The following CCDC18 variants were observed in gnomAD, a reference collection of about 807,000 sequenced individuals.
CCDC18 encodes coiled-coil domain containing 18.
CCDC18 carries 157 observed loss-of-function variants against 196.0 expected under a neutral mutation model. The observed-to-expected ratio is 0.80, with a 90% CI of 0.70 to 0.91. The LOEUF is 0.91. Ranked by LOEUF, CCDC18 falls within the 40% of genes least tolerant of loss-of-function variation. The probability of loss-of-function intolerance (pLI) is 0.00; values close to 1 mark genes in which losing one functional copy is unlikely to be tolerated. For synonymous variants in CCDC18, 482 were observed against 529.2 expected, an observed-to-expected ratio of 0.91 and a Z score of 1.22; for missense variants, 1,465 against 1,611.6, an observed-to-expected ratio of 0.91 and a Z score of 1.56.
chr1:93,244,911 C>T lies in CCDC18; in HGVS notation c.2982-1194C>T, dbSNP rs539137215. Among the ~76,000 whole-genome samples, 182 of 149,688 alleles carry T rather than the reference C, an allele frequency of 1.2e-3. 1 individual carries two copies. Among genetic ancestry groups the T allele is most frequent in the Non-Finnish European group, 2.0e-3 (132 of 67,198 alleles). ...ATAACAGTTACATGGTCAGCTTCTT[C>T]TTGTCCTTCACATTACTTCAGAGAG... On this transcript the variant is annotated intron_variant, in intron 21 of 28. Transcript: ENST00000690025.
At position 93,249,245 on chromosome 1, in the gene CCDC18, T is replaced by C. The variant is rs1166804110; in HGVS notation, c.3198+2291T>C. ...CATTTCTTCTAGTTTTTCCAATTTG[T>C]TGGTATGTAGTTGTTCATAACAGTC... On this transcript the variant is annotated intron_variant, in intron 23 of 28. Coordinates refer to ENST00000690025, the MANE Select transcript of CCDC18 (RefSeq NM_001378204.1). Among the ~76,000 whole-genome samples, 7 of 152,320 alleles carry C rather than the reference T, an allele frequency of 4.6e-5. No homozygotes were observed. The East Asian group carries it at 1.2e-3, about 25-fold the overall frequency.
intron 23 of CCDC18, among the ~76,000 whole-genome samples, chr1:93,250,700 T>C (rs1412622445): frequency 6.6e-6 from 1 of 152,168 alleles, no homozygotes; most frequent in East Asian, 1.9e-4. Flanking sequence ...GCGTGACACA[T>C]TTATCATTAA....
intron 4 of CCDC18, among the ~76,000 whole-genome samples, chr1:93,191,489 T>C (rs1651796026): frequency 6.6e-6 from 1 of 152,208 alleles, no homozygotes; most frequent in South Asian, 2.1e-4. Flanking sequence ...GTTATCTTAT[T>C]GATACTCTCT....
At chr1:93,215,066 T>A in intron 12 of CCDC18, 100 bp downstream of exon 12, 1 of 679,794 alleles carries the variant, frequency 1.5e-6, no homozygotes, top group Non-Finnish European at 2.3e-6. Context: ...CATCCAGATT[T>A]AAAGTTTTTA....
intron 17 of CCDC18, 35 bp from the exon 18 acceptor site, chr1:93,232,391 C>A: frequency 8.0e-7 from 1 of 1,256,506 alleles, no homozygotes; most frequent in Non-Finnish European, 1.1e-6. Context: ...TGAAACATTG[C>A]ATTGTATTGA....
intron 11 of CCDC18, among the ~76,000 whole-genome samples, chr1:93,213,287 T>C (rs1156354698): frequency 6.6e-6 from 1 of 152,090 alleles, no homozygotes; most frequent in Non-Finnish European, 1.5e-5. Flanking sequence ...TTGATACGTT[T>C]TGTCAGGTGT....
chr1:93,250,691 C>T (rs1248344902), intron 23 of CCDC18, among the ~76,000 whole-genome samples: 2 of 152,090 alleles, frequency 1.3e-5, no homozygotes, highest in South Asian at 2.1e-4. Flanking sequence ...CTCTTGCTAG[C>T]GTGACACATT....
intron 14 of CCDC18, among the ~76,000 whole-genome samples, chr1:93,220,241 T>C (rs1657185617): frequency 6.6e-6 from 1 of 152,138 alleles, no homozygotes; most frequent in East Asian, 1.9e-4. Context: ...ATTTTTTAAA[T>C]GCTGAAAGAG....
chr1:93,216,189 C>T (rs1056432814), intron 12 of CCDC18, among the ~76,000 whole-genome samples: 1 of 152,020 alleles, frequency 6.6e-6, no homozygotes, highest in Non-Finnish European at 1.5e-5. Context: ...TTTTAAATTA[C>T]AAAAATAGCA....
chr1:93,180,850 C>T lies in CCDC18; in HGVS notation c.-5C>T. 2.9e-6 allele frequency: 4 copies of T among 1,366,198 alleles called. 1 individual carries two copies. The South Asian group carries it at 3.4e-5, about 12-fold the overall frequency. 84.6% of individuals were successfully genotyped at this position (1,366,198 alleles called of 1,614,324 possible). On this transcript the variant is annotated splice_region_variant and 5_prime_UTR_variant, in exon 1 of 29. Transcript: ENST00000690025. ...ACTCGAGTGCGAAGCGCGCAGTCGC[C>T]GGGTGGGTCTCTCCCCAGCGACGAT...
In CCDC18 at chr1:93,226,465, C is replaced by T. The variant is rs749634566; in HGVS notation, c.2292+16C>T. 8.3e-6 allele frequency: 9 copies of T among 1,089,224 alleles called. No homozygotes were observed. The highest frequency in any genetic ancestry group is 1.3e-5 in the Non-Finnish European group (9 of 709,614). 67.5% of individuals were successfully genotyped at this position (1,089,224 alleles called of 1,614,324 possible). A position where few individuals can be genotyped will look rare whatever the true frequency, so the allele number is the denominator to read the frequency against. ...ATCTGAAGAGGTAAATTAACATTTA[C>T]TTTATATATAGCATATATTTCAAGT... On this transcript the variant is annotated intron_variant, in intron 17 of 28. Coordinates refer to ENST00000690025, the MANE Select transcript of CCDC18 (RefSeq NM_001378204.1).
intron 17 of CCDC18, among the ~76,000 whole-genome samples, chr1:93,228,060 C>G (rs1033150493): frequency 1.3e-5 from 2 of 150,372 alleles, no homozygotes; most frequent in Admixed American, 6.6e-5. Flanking sequence ...AAAACAGAAG[C>G]CTTTATATCT....
chr1:93,181,540 C>T (rs1160027583), intron 1 of CCDC18, among the ~76,000 whole-genome samples: 1 of 152,078 alleles, frequency 6.6e-6, no homozygotes, highest in African/African-American at 2.4e-5. Context: ...ATTCATTTGA[C>T]AGTAAATGTC....
At position 93,214,923 on chromosome 1, in the gene CCDC18, A is replaced by C; in HGVS notation, c.1676A>C (p.Glu559Ala). Residue 559 changes from glutamate to alanine, a missense_variant, in exon 12 of 29, where the codon GAG (glutamate) becomes GCG (alanine). Glu to Ala is a moderately radical substitution (Grantham distance 107). Transcript: ENST00000690025. Reference sequence around the variant, plus strand: ...AGTCAGTTTCAGCTGATTCAAGAGGAGCTGCTAGAGAAAGCTTCAAACTCC... The same window carrying C: ...AGTCAGTTTCAGCTGATTCAAGAGGCGCTGCTAGAGAAAGCTTCAAACTCC... Reference protein sequence around the residue: ...RTSQFQLIQEELLEKASNSSK... With the variant: ...RTSQFQLIQEALLEKASNSSK... 1 of 1,610,008 alleles carries C rather than the reference A, an allele frequency of 6.2e-7. No homozygotes were observed. The highest frequency in any genetic ancestry group is 8.5e-7 in the Non-Finnish European group (1 of 1,177,670).
chr1:93,212,821 C>T (rs545975578), intron 11 of CCDC18, among the ~76,000 whole-genome samples: 17 of 152,246 alleles, frequency 1.1e-4, no homozygotes, highest in African/African-American at 3.1e-4. Flanking sequence ...ATGATTCAAA[C>T]GCATGACATT....
chr1:93,221,969 T>C (rs12038046), intron 16 of CCDC18, 33 bp downstream of exon 16: 1 of 1,392,534 alleles, frequency 7.2e-7, no homozygotes, highest in South Asian at 1.3e-5. Context: ...TTTCTTTCTT[T>C]CCTTTTTTTT....
intron 18 of CCDC18, among the ~76,000 whole-genome samples, chr1:93,234,791 G>GTTTTGTTTTGTTTTGTT (rs555096541): frequency 6.6e-6 from 1 of 151,312 alleles, no homozygotes. Context: ...TTCTTGTTTT[G>GTTTTGTTTTGTTTTGTT]TTTTGTTTTG....
At chr1:93,203,759 A>G (rs1476873077) in intron 7 of CCDC18, among the ~76,000 whole-genome samples, 1 of 152,006 alleles carries the variant, frequency 6.6e-6, no homozygotes. Flanking sequence ...TGAACTCAGG[A>G]GTTAGAGGCT....
chr1:93,250,020 A>G (rs1662020063), intron 23 of CCDC18, among the ~76,000 whole-genome samples: 1 of 152,114 alleles, frequency 6.6e-6, no homozygotes, highest in African/African-American at 2.4e-5. Context: ...ATGTATTTAT[A>G]TAATTTCTAA....
Sources: allele counts gnomAD v4.1 joint callset (sites outside exome capture counted in the v4.1 genomes callset), GRCh38; gene constraint gnomAD v4.1.1; transcripts MANE v1.5; gene names NCBI Gene and HGNC (gene_info 2026-07-23, HGNC 2026-07-21).